MAGI3: variants seen among roughly 807,000 people sequenced by gnomAD.
The protein encoded by MAGI3 is membrane associated guanylate kinase, WW and PDZ domain containing 3.
In MAGI3, 43 loss-of-function variants were observed where a neutral mutation model predicts 121.8. The observed-to-expected ratio is 0.35, with a 90% CI of 0.28 to 0.46. The LOEUF (loss-of-function observed/expected upper bound fraction) is 0.46, where lower values mean the gene tolerates loss of function less well. MAGI3 is among the 20% of genes least tolerant of loss of function. MAGI3 has a pLI of 1.00. For missense variants in MAGI3, 1,547 were observed against 1,797.3 expected (o/e 0.86, Z 2.52); for synonymous variants, 553 against 639.3 (o/e 0.86, Z 2.04).
chr1:113,603,663 C>T (rs1240240028), intron 6 of MAGI3, among the ~76,000 whole-genome samples: 1 of 151,994 alleles, frequency 6.6e-6, no homozygotes. Flanking sequence ...TTCTACACAG[C>T]AAAAGAAATA....
In MAGI3 at chr1:113,684,232, C is replaced by T; in HGVS notation, c.*218C>T. The T allele has an allele frequency of 2.3e-6, 1 of 443,102 alleles. No homozygotes were observed. Among genetic ancestry groups the T allele is most frequent in the Non-Finnish European group, 3.9e-6 (1 of 257,450 alleles). The allele number at this position is 443,102 out of a possible 1,614,324, so 27.4% of individuals were successfully genotyped here. ...CTCCCTCGCTCTCAGGAAGGAGCTG[C>T]ATCCACATGCTCATCTGACCCGCCC... On this transcript the variant is annotated 3_prime_UTR_variant, in exon 21 of 21. Coordinates refer to ENST00000307546, the MANE Select transcript of MAGI3 (RefSeq NM_001142782.2).
At chr1:113,636,557 C>T (rs1003058573) in intron 9 of MAGI3, among the ~76,000 whole-genome samples, 2 of 152,034 alleles carry the variant, frequency 1.3e-5, no homozygotes, top group African/African-American at 4.8e-5. Flanking sequence ...TTTCTTAATC[C>T]TGAGTTCTAG....
chr1:113,667,541 C>T (rs1647242166), intron 16 of MAGI3, among the ~76,000 whole-genome samples: 1 of 152,260 alleles, frequency 6.6e-6, no homozygotes, highest in Admixed American at 6.5e-5. Context: ...GTTTGATCTT[C>T]TATCCAGACC....
intron 9 of MAGI3, among the ~76,000 whole-genome samples, chr1:113,631,896 T>A (rs1238257971): frequency 6.6e-6 from 1 of 152,208 alleles, no homozygotes; most frequent in Non-Finnish European, 1.5e-5. Context: ...TGTTTGTGGT[T>A]CAGGAACTTG....
chr1:113,477,336 A>G (rs1482424227), intron 1 of MAGI3, among the ~76,000 whole-genome samples: 2 of 152,096 alleles, frequency 1.3e-5, no homozygotes, highest in African/African-American at 2.4e-5. Flanking sequence ...GGTCTTTACA[A>G]TTTGGCCTGT....
intron 1 of MAGI3, 65 bp from the exon 2 acceptor site, chr1:113,549,450 T>C: frequency 1.2e-6 from 1 of 836,098 alleles, no homozygotes. Context: ...CTAGCTTCTA[T>C]ATTTAAGTGA....
chr1:113,398,098 AC>A (rs1249927189), intron 1 of MAGI3, among the ~76,000 whole-genome samples: 2 of 152,030 alleles, frequency 1.3e-5, no homozygotes, highest in African/African-American at 4.8e-5. Flanking sequence ...GGAGCAACCC[AC>A]TTACCTGCAG....
chr1:113,666,833 CCATGGGCTA>C (rs1212294128), intron 16 of MAGI3, among the ~76,000 whole-genome samples: 1 of 152,180 alleles, frequency 6.6e-6, no homozygotes. Context: ...ACTCCTTGAT[CCATGGGCTA>C]CAGAATGGAT....
At chr1:113,619,066 C>T (rs1650662562) in intron 7 of MAGI3, among the ~76,000 whole-genome samples, 1 of 152,216 alleles carries the variant, frequency 6.6e-6, no homozygotes, top group South Asian at 2.1e-4. Context: ...TCTCCCCAGG[C>T]TTCCTGCTTT....
intron 1 of MAGI3, among the ~76,000 whole-genome samples, chr1:113,521,839 C>G (rs1258649345): frequency 6.6e-6 from 1 of 152,128 alleles, no homozygotes; most frequent in Non-Finnish European, 1.5e-5. Context: ...TTATTCCTGC[C>G]TCTTCTTCTG....
At chr1:113,639,759 G>C (rs1340528908) in intron 9 of MAGI3, among the ~76,000 whole-genome samples, 2 of 152,042 alleles carry the variant, frequency 1.3e-5, no homozygotes, top group Admixed American at 6.5e-5. Flanking sequence ...GTGGAGACAG[G>C]GTTTCATCAT....
chr1:113,671,617 A>G, intron 16 of MAGI3, 117 bp from the exon 17 acceptor site: 5 of 860,214 alleles, frequency 5.8e-6, no homozygotes, highest in Non-Finnish European at 7.4e-6. Flanking sequence ...TTCATGCTAA[A>G]GCCACTAAAG....
chr1:113,496,640 G>C (rs969132582), intron 1 of MAGI3, among the ~76,000 whole-genome samples: 1 of 151,758 alleles, frequency 6.6e-6, no homozygotes, highest in African/African-American at 2.4e-5. Context: ...TTTTATATTG[G>C]ACTTTTGTTT....
chr1:113,679,709 ATTT>A (rs34782120), intron 19 of MAGI3, among the ~76,000 whole-genome samples: 1 of 144,554 alleles, frequency 6.9e-6, no homozygotes. Context: ...CTGAAAAATG[ATTT>A]TTTTTTTTTT....
In MAGI3 at chr1:113,449,360, G is replaced by GGTGTGTGTGTGTGTGTGTGT. The variant is rs71087199; in HGVS notation, c.316+58021_316+58040dup. Among the ~76,000 whole-genome samples the GGTGTGTGTGTGTGTGTGTGT allele has an allele frequency of 7.3e-4, 107 of 147,326 alleles. 1 individual carries two copies. The highest frequency in any genetic ancestry group is 3.5e-3 in the Middle Eastern group (1 of 282). On this transcript the variant is annotated intron_variant, in intron 1 of 20. Coordinates refer to ENST00000307546, the MANE Select transcript of MAGI3 (RefSeq NM_001142782.2). ...TTTATAAGTGTTGCATTACTTTTAT[G>GGTGTGTGTGTGTGTGTGTGT]GTGTGTGTGTGTGTGTGTGTGTGTG...
intron 2 of MAGI3, among the ~76,000 whole-genome samples, chr1:113,560,471 A>T (rs1414577090): frequency 2.6e-5 from 4 of 152,158 alleles, no homozygotes; most frequent in Admixed American, 2.6e-4. Flanking sequence ...GTTCACTTAA[A>T]ACCATACAAC....
intron 1 of MAGI3, among the ~76,000 whole-genome samples, chr1:113,519,566 T>A (rs1658080837): frequency 6.6e-6 from 1 of 152,180 alleles, no homozygotes; most frequent in South Asian, 2.1e-4. Flanking sequence ...GCTCAGTGCA[T>A]AGTCCTACTA....
At chr1:113,663,313 C>G (rs1653879314) in intron 16 of MAGI3, among the ~76,000 whole-genome samples, 1 of 151,134 alleles carries the variant, frequency 6.6e-6, no homozygotes, top group Admixed American at 6.6e-5. Context: ...ACCACTAGTT[C>G]CACATTTTAT....
At chr1:113,615,323 C>G (rs1322290290) in intron 7 of MAGI3, among the ~76,000 whole-genome samples, 1 of 152,144 alleles carries the variant, frequency 6.6e-6, no homozygotes, top group Non-Finnish European at 1.5e-5. Flanking sequence ...TGCTTTCTTT[C>G]CAGATGCTAA....
Sources: allele counts gnomAD v4.1 joint callset (sites outside exome capture counted in the v4.1 genomes callset), GRCh38; gene constraint gnomAD v4.1.1; transcripts MANE v1.5; gene names NCBI Gene and HGNC (gene_info 2026-07-23, HGNC 2026-07-21).